UTRN: variants seen among roughly 807,000 people sequenced by gnomAD.
The protein encoded by UTRN is dystrophin-related protein 1.
A neutral mutation model predicts 463.9 loss-of-function variants in UTRN; 283 were observed. The observed-to-expected ratio is 0.61, with a 90% CI of 0.55 to 0.67. The LOEUF (loss-of-function observed/expected upper bound fraction) is 0.67. Ranked by LOEUF, UTRN falls within the 30% of genes least tolerant of loss-of-function variation. The pLI is 0.00. For synonymous variants in UTRN, 1,442 were observed against 1,431.5 expected, an observed-to-expected ratio of 1.01 and a Z score of -0.17; for missense variants, 3,922 against 4,084.3, an observed-to-expected ratio of 0.96 and a Z score of 1.08.
intron 27 of UTRN, among the ~76,000 whole-genome samples, chr6:144,482,821 A>G (rs1376466363): frequency 6.6e-6 from 1 of 152,138 alleles, no homozygotes; most frequent in East Asian, 1.9e-4. Context: ...AGTGGTGTCT[A>G]AAGTTCAAGA....
Position 144,643,712 on chromosome 6 carries a change from G to A in UTRN, c.7480-34694G>A, listed in dbSNP as rs917373141. On this transcript the variant is annotated intron_variant, in intron 51 of 74. Coordinates refer to ENST00000367545, the MANE Select transcript of UTRN (RefSeq NM_007124.3). ...CTTGAGAGGCTGAGGCAGGAGAATC[G>A]CTTGAACCCGGGCGGTGGAGGTTAC... Among the ~76,000 whole-genome samples, 12 of 151,832 alleles carry A rather than the reference G, an allele frequency of 7.9e-5. No individual in the cohort carries two copies. The East Asian group carries it at 1.4e-3, about 17-fold the overall frequency.
intron 32 of UTRN, among the ~76,000 whole-genome samples, chr6:144,492,381 G>A (rs1196579832): frequency 1.3e-5 from 2 of 152,114 alleles, no homozygotes; most frequent in South Asian, 2.1e-4. Context: ...GTAGTGTTCC[G>A]TGGTGTATTT....
intron 58 of UTRN, among the ~76,000 whole-genome samples, chr6:144,758,584 C>T (rs1390724054): frequency 6.6e-6 from 1 of 152,050 alleles, no homozygotes; most frequent in Non-Finnish European, 1.5e-5. Flanking sequence ...TTAGTTTCTC[C>T]TTCTTGCATA....
intron 51 of UTRN, among the ~76,000 whole-genome samples, chr6:144,618,109 T>C (rs1436958247): frequency 6.6e-6 from 1 of 152,200 alleles, no homozygotes; most frequent in East Asian, 1.9e-4. Flanking sequence ...TGGATCTTTT[T>C]TGCAAACTAA....
rs547758141 is a variant in UTRN at position 144,429,670 on chromosome 6, G to T, written c.784G>T (p.Ala262Ser). ...GCTACCTCAGCAAGTCACCATAGAC[G>T]CCATCCGTGAGGTAGAGACACTCCC... is the stretch of plus-strand genomic sequence containing the variant. ...EVLPQQVTID[A>S]IREVETLPRK... is the part of the protein sequence containing the mutation. The change falls in exon 9 of 75, where the codon GCC becomes TCC. Residue 262 changes from alanine (A) to serine (S), a missense_variant. Transcript: ENST00000367545. 6.2e-7 allele frequency: 1 copy of T among 1,612,876 alleles called. No individual in the cohort carries two copies.
chr6:144,590,581 G>C (rs2128631523), intron 51 of UTRN, among the ~76,000 whole-genome samples: 1 of 152,192 alleles, frequency 6.6e-6, no homozygotes, highest in Admixed American at 6.5e-5. Flanking sequence ...GTATTGAATG[G>C]CTGTCATGCA....
At chr6:144,548,967 A>C (rs1199938639) in intron 47 of UTRN, 113 bp downstream of exon 47, 3 of 1,102,294 alleles carry the variant, frequency 2.7e-6, no homozygotes, top group Non-Finnish European at 3.8e-6. Context: ...GGTTTAAAAA[A>C]TTCTGTATCT....
intron 71 of UTRN, 184 bp from the exon 72 acceptor site, chr6:144,838,989 A>G (rs1443796864): frequency 1.2e-5 from 6 of 517,088 alleles, no homozygotes; most frequent in Non-Finnish European, 1.7e-5. Flanking sequence ...AAGGTGTCCA[A>G]GCGGAAAGAG....
intron 2 of UTRN, among the ~76,000 whole-genome samples, chr6:144,360,866 T>A (rs1183505213): frequency 6.6e-6 from 1 of 152,234 alleles, no homozygotes; most frequent in Admixed American, 6.5e-5. Flanking sequence ...TCCCTAGCAG[T>A]GTTTCCTGGG....
intron 51 of UTRN, among the ~76,000 whole-genome samples, chr6:144,619,766 A>G (rs1775147198): frequency 6.6e-6 from 1 of 152,138 alleles, no homozygotes; most frequent in Non-Finnish European, 1.5e-5. Context: ...ACTCCATAGG[A>G]GAGAAGAGGA....
intron 69 of UTRN, among the ~76,000 whole-genome samples, chr6:144,832,079 T>G (rs73007423): frequency 0.084 from 12,833 of 152,244 alleles, 710 homozygotes; most frequent in African/African-American, 0.16. Flanking sequence ...GCAAACCTAT[T>G]ATTTTTGCAA....
At chr6:144,805,518 A>G (rs535143053) in intron 65 of UTRN, among the ~76,000 whole-genome samples, 40 of 152,300 alleles carry the variant, frequency 2.6e-4, no homozygotes, top group African/African-American at 9.4e-4. Context: ...TAGTGGTCTG[A>G]GTTGGGAAAA....
chr6:144,708,457 T>TGACTCCTCACGCCTTC (rs2128702360), intron 53 of UTRN: 1 of 611,020 alleles, frequency 1.6e-6, no homozygotes, highest in African/African-American at 1.9e-5. Context: ...CTCGGGCCTC[T>TGACTCCTCACGCCTTC]GACTCCTCAC....
intron 58 of UTRN, among the ~76,000 whole-genome samples, chr6:144,768,136 G>T (rs992867762): frequency 6.6e-6 from 1 of 152,110 alleles, no homozygotes; most frequent in Non-Finnish European, 1.5e-5. Context: ...TTGGTTCATT[G>T]TGTTACATGT....
intron 51 of UTRN, among the ~76,000 whole-genome samples, chr6:144,638,051 G>C (rs935577131): frequency 1.3e-5 from 2 of 152,144 alleles, no homozygotes; most frequent in African/African-American, 4.8e-5. Flanking sequence ...GTGTTTGGTA[G>C]CTCTAGATAT....
Position 144,850,993 on chromosome 6 carries a change from T to C in UTRN, c.10298T>C (p.Met3433Thr). 4.3e-6 allele frequency: 7 copies of C among 1,613,672 alleles called. No homozygotes were observed. Among genetic ancestry groups the C allele is most frequent in the Non-Finnish European group, 5.9e-6 (7 of 1,179,628 alleles). Residue 3433 changes from methionine to threonine, a missense_variant, in exon 75 of 75, where the codon ATG becomes ACG. Physicochemically the swap from Met to Thr is moderately conservative, Grantham distance 81. Coordinates refer to ENST00000367545, the MANE Select transcript of UTRN (RefSeq NM_007124.3). ...TGCTATTTTCCCTTCCCATAGGCAA[T>C]GTGAAGTATTCATCCGGCCAACCAA... ...CPNVPSRPQA[M>T]
intron 49 of UTRN, among the ~76,000 whole-genome samples, chr6:144,556,503 A>C (rs1479135498): frequency 3.9e-5 from 6 of 152,222 alleles, no homozygotes; most frequent in African/African-American, 1.4e-4. Context: ...GCTGATTTAA[A>C]ATCTTCCCAA....
chr6:144,734,765 A>T (rs1434577698), intron 54 of UTRN, among the ~76,000 whole-genome samples: 1 of 152,122 alleles, frequency 6.6e-6, no homozygotes, highest in Non-Finnish European at 1.5e-5. Context: ...TTGCTCCCTT[A>T]TTAGAGATTT....
chr6:144,482,264 A>G lies in UTRN; in HGVS notation c.3563A>G (p.Asn1188Ser). ...GTGAGAGTGAAGATTCTCAAGGACA[A>G]CATCAAGTTATTAGCTGCCAAGGTG... The part of the protein sequence containing the change: ...KEVRVKILKD[N>S]IKLLAAKVPS... The change falls in exon 27 of 75, where the codon AAC becomes AGC. Residue 1188 changes from asparagine (N) to serine (S), a missense_variant. Asn to Ser is a conservative substitution (Grantham distance 46). Around this residue, in one of 3 missense-constraint regions of UTRN, gnomAD observed 2,349 missense variants for 2,303.8 expected, o/e 1.02. Coordinates refer to ENST00000367545, the MANE Select transcript of UTRN (RefSeq NM_007124.3). 1.2e-6 allele frequency: 2 copies of G among 1,608,186 alleles called. No homozygotes were observed. Among genetic ancestry groups the G allele is most frequent in the Non-Finnish European group, 1.7e-6 (2 of 1,178,172 alleles).
Sources: gnomAD v4.1 joint callset for allele counts (sites outside exome capture counted in the v4.1 genomes callset) on GRCh38, gnomAD v4.1.1 for gene constraint, gnomAD v4.1.1 regional missense constraint, MANE v1.5 for transcripts, NCBI Gene and HGNC (gene_info 2026-07-23, HGNC 2026-07-21) for gene names.